DOP1B: variants seen among roughly 807,000 people sequenced by gnomAD.
The protein encoded by DOP1B is DOP1 leucine zipper like protein B, also known as protein DOP1B.
DOP1B carries 174 observed loss-of-function variants against 233.5 expected under a neutral mutation model. The observed-to-expected ratio is 0.75, with a 90% CI of 0.66 to 0.85. The LOEUF (loss-of-function observed/expected upper bound fraction) is 0.85, where lower values mean the gene tolerates loss of function less well. Among genes scored for constraint, DOP1B ranks in the 40% least tolerant of loss-of-function variants. The probability of loss-of-function intolerance (pLI) is 0.00; values close to 1 mark genes in which losing one functional copy is unlikely to be tolerated. For missense variants in DOP1B, 2,652 were observed against 2,846.6 expected (o/e 0.93, Z 1.56); for synonymous variants, 1,190 against 1,185.6 (o/e 1.00, Z -0.08).
At chr21:36,270,883 A>G (rs1047996888) in intron 27 of DOP1B, among the ~76,000 whole-genome samples, 5 of 149,344 alleles carry the variant, frequency 3.3e-5, no homozygotes, top group Admixed American at 2.7e-4. Flanking sequence ...ACTGCACTCC[A>G]GCCTGGGCGA....
Position 36,237,399 on chromosome 21 carries a change from C to T in DOP1B, c.2760C>T (p.Leu920=), listed in dbSNP as rs2066840896. 1.2e-6 allele frequency: 2 copies of T among 1,614,136 alleles called. No homozygotes were observed. Among genetic ancestry groups the T allele is most frequent in the Admixed American group, 1.7e-5 (1 of 60,022 alleles). Residue 920 remains leucine, a synonymous_variant, in exon 16 of 37, where the codon CTC becomes CTT. Transcript: ENST00000691173. The part of the protein sequence containing the change: ...NICEDIICHA[L]LDPDKGTRLE... Reference sequence around the variant, plus strand: ...GCGAGGACATCATCTGCCATGCCCTCCTGGACCCTGACAAGGTGAGCCTTT... The same window carrying T: ...GCGAGGACATCATCTGCCATGCCCTTCTGGACCCTGACAAGGTGAGCCTTT...
chr21:36,181,833 A>ACACACTGAT (rs11269603), intron 2 of DOP1B, among the ~76,000 whole-genome samples: 1 of 151,926 alleles, frequency 6.6e-6, no homozygotes, highest in African/African-American at 2.4e-5. Context: ...CTCACCTTCC[A>ACACACTGAT]TTTAATGGAA....
At chr21:36,210,944 A>C (rs779294562) in intron 5 of DOP1B, among the ~76,000 whole-genome samples, 1 of 152,158 alleles carries the variant, frequency 6.6e-6, no homozygotes, top group Non-Finnish European at 1.5e-5. Context: ...CTCCCACACG[A>C]CTGCCACAGG....
intron 2 of DOP1B, chr21:36,170,709 C>T (rs999447533): frequency 6.6e-6 from 1 of 151,492 alleles, no homozygotes; most frequent in African/African-American, 2.4e-5. Flanking sequence ...GTAGGAGGAT[C>T]GCTTGAGCCC....
At position 36,280,358 on chromosome 21, in the gene DOP1B, G is replaced by T; in HGVS notation, c.6031+12G>T. The stretch of plus-strand genomic sequence containing the variant: ...TAAGGATTTAATGAGTAAGTTCTGT[G>T]TTACTTTTGCATAACTCACACTTGA... On this transcript the variant is annotated intron_variant, in intron 31 of 36. Transcript: ENST00000691173. 6.3e-7 allele frequency: 1 copy of T among 1,587,898 alleles called. No individual in the cohort carries two copies. Among genetic ancestry groups the T allele is most frequent in the Non-Finnish European group, 8.6e-7 (1 of 1,160,314 alleles).
At chr21:36,274,233 G>C (rs2067324669) in intron 27 of DOP1B, among the ~76,000 whole-genome samples, 1 of 152,162 alleles carries the variant, frequency 6.6e-6, no homozygotes, top group South Asian at 2.1e-4. Context: ...ACAGAAACTG[G>C]AAGTCCAGGT....
chr21:36,193,337 G>C (rs1191083276), intron 2 of DOP1B, among the ~76,000 whole-genome samples: 2 of 152,222 alleles, frequency 1.3e-5, no homozygotes, highest in Non-Finnish European at 2.9e-5. Context: ...AGAATGACTG[G>C]ATGCGGGCTG....
rs773123176 is a variant in DOP1B, at chr21:36,245,512, C to T, written c.3532C>T (p.Leu1178=). 9.5e-5 allele frequency: 153 copies of T among 1,613,638 alleles called. 3 individuals carry two copies. In the South Asian group the frequency reaches 1.3e-3, roughly 13 times the overall value. ...ESFKAGAKLS[L]VRVDSDKTQA... Reference sequence around the variant, plus strand: ...CTTCAAGGCTGGGGCCAAGTTAAGCCTGGTGCGGGTGGACTCGGACAAGAC... The same window carrying T: ...CTTCAAGGCTGGGGCCAAGTTAAGCTTGGTGCGGGTGGACTCGGACAAGAC... Residue 1178 remains leucine, a synonymous_variant, in exon 19 of 37, where the codon CTG becomes TTG. Coordinates refer to ENST00000691173, the MANE Select transcript of DOP1B (RefSeq NM_001320714.2). The surrounding 1 kb of genome is among the most constrained non-coding windows in gnomAD (Gnocchi z 5.5).
rs1427635676 is a variant in DOP1B at position 36,245,622 on chromosome 21, G to A, written c.3642G>A (p.Gln1214=). The part of the protein sequence containing the change: ...ALTTSRLLKQ[Q]RERQEAVEAL... ...CCACATCCAGGCTGCTAAAGCAGCA[G>A]CGGGAAAGGCAGGAGGCCGTCGAGG... Residue 1214 remains glutamine (Q), a synonymous_variant, in exon 19 of 37, where the codon CAG becomes CAA. Coordinates refer to ENST00000691173, the MANE Select transcript of DOP1B (RefSeq NM_001320714.2). The surrounding 1 kb of genome is among the most constrained non-coding windows in gnomAD (Gnocchi z 5.5). 1 of 1,613,488 alleles carries A rather than the reference G, an allele frequency of 6.2e-7. No homozygotes were observed. The highest frequency in any genetic ancestry group is 1.7e-5 in the Admixed American group (1 of 60,018).
chr21:36,186,072 G>A (rs2066162171), intron 2 of DOP1B, among the ~76,000 whole-genome samples: 1 of 152,064 alleles, frequency 6.6e-6, no homozygotes, highest in Non-Finnish European at 1.5e-5. Context: ...GCGTGGTGGC[G>A]GGCGCCTGTA....
chr21:36,245,294 A>G lies in DOP1B; in HGVS notation c.3314A>G (p.Asp1105Gly). The change falls in exon 19 of 37, where the codon GAC becomes GGC. Residue 1105 changes from aspartate (D) to glycine (G), a missense_variant. Physicochemically the swap from Asp to Gly is moderately conservative, Grantham distance 94 (BLOSUM62 -1). Transcript: ENST00000691173. The surrounding 1 kb of genome is among the most constrained non-coding windows in gnomAD (Gnocchi z 5.5). ...GACAGGACGGCCCACGGCGCCCCGG[A>G]CAGCAGCGAGCACACCGAGTCTGCA... ...LPDRTAHGAP[D>G]SSEHTESADT... 1 of 1,614,130 alleles carries G rather than the reference A, an allele frequency of 6.2e-7. No homozygotes were observed. The highest frequency in any genetic ancestry group is 1.1e-5 in the South Asian group (1 of 91,084).
Position 36,227,780 on chromosome 21 carries a change from C to G in DOP1B, c.1568C>G (p.Pro523Arg). The change falls in exon 13 of 37, where the codon CCT becomes CGT. Residue 523 changes from proline (P) to arginine (R), a missense_variant. Physicochemically the swap from Pro to Arg is moderately radical, Grantham distance 103. This residue lies in a region of DOP1B where 2,617 missense variants were observed against 2,794.3 expected (regional missense o/e 0.94). Coordinates refer to ENST00000691173, the MANE Select transcript of DOP1B (RefSeq NM_001320714.2). ...LAEDMEALSL[P>R]ELTHALKTCF... Reference sequence around the variant, plus strand: ...GAGGACATGGAGGCCTTAAGTTTACCTGAACTCACGCATGCCTTGAAGACG... The same window carrying G: ...GAGGACATGGAGGCCTTAAGTTTACGTGAACTCACGCATGCCTTGAAGACG... 6.2e-7 allele frequency: 1 copy of G among 1,613,774 alleles called. No individual in the cohort carries two copies.
At chr21:36,239,142 A>G (rs758986973) in intron 17 of DOP1B, among the ~76,000 whole-genome samples, 3 of 152,166 alleles carry the variant, frequency 2.0e-5, no homozygotes, top group African/African-American at 7.2e-5. Flanking sequence ...GACCCCTCCG[A>G]GCACAGCCAG....
rs66857645 is a variant in DOP1B at position 36,165,718 on chromosome 21, C to CTTT, written c.138+862_138+864dup. On this transcript the variant is annotated intron_variant, in intron 2 of 36. Coordinates refer to ENST00000691173, the MANE Select transcript of DOP1B (RefSeq NM_001320714.2). ...TAGGTTGCATGCTCTTTAGGAGAAT[C>CTTT]TTTTTTTTTTTTTTTTTGAGACAGT... is the stretch of plus-strand genomic sequence containing the variant. 3.1e-4 allele frequency among the ~76,000 whole-genome samples: 41 copies of CTTT among 132,934 alleles called. 2 individuals carry two copies. The highest frequency in any genetic ancestry group is 5.3e-4 in the African/African-American group (19 of 36,050). 87.2% of individuals were successfully genotyped at this position (132,934 alleles called of 152,430 possible).
At chr21:36,239,725 G>T (rs1028831993) in intron 17 of DOP1B, 40 bp from the exon 18 acceptor site, 1 of 1,494,426 alleles carries the variant, frequency 6.7e-7, no homozygotes, top group Non-Finnish European at 9.0e-7. Context: ...GCGCACAGGG[G>T]TGGCTGCGAG....
chr21:36,195,883 G>A (rs973296161), intron 2 of DOP1B, among the ~76,000 whole-genome samples: 1 of 152,222 alleles, frequency 6.6e-6, no homozygotes, highest in Non-Finnish European at 1.5e-5. Context: ...AAATTTCTCA[G>A]GGGCTTTATC....
In DOP1B at chr21:36,239,818, C is replaced by A; in HGVS notation, c.2930C>A (p.Ala977Glu). Residue 977 changes from alanine to glutamate, a missense_variant, in exon 18 of 37, where the codon GCG becomes GAG. Around this residue, in one of 3 missense-constraint regions of DOP1B, gnomAD observed 2,617 missense variants for 2,794.3 expected, o/e 0.94. Transcript: ENST00000691173. ...GCCTGCACGGATGGTGCCATCGGTG[C>A]GGCAGCCCAGGGCTGGCTGGTGCGT... is the stretch of plus-strand genomic sequence containing the variant. ...SLACTDGAIGAAAQGWLVRAL... is the reference protein window; with the variant it reads ...SLACTDGAIGEAAQGWLVRAL... The A allele has an allele frequency of 6.4e-7, 1 of 1,566,124 alleles. No individual in the cohort carries two copies. The highest frequency in any genetic ancestry group is 2.1e-4 in the Middle Eastern group (1 of 4,680).
Position 36,238,619 on chromosome 21 carries a change from C to T in DOP1B, c.2794C>T (p.Leu932=). The change falls in exon 17 of 37, where the codon CTG becomes TTG. Residue 932 remains leucine (L), a synonymous_variant. Transcript: ENST00000691173. ...DPDKGTRLEA[L]FRFSVIWHLT... is the part of the protein sequence containing the mutation. ...CATCAAGGGAACAAGGCTGGAAGCT[C>T]TGTTTAGATTTTCCGTGATCTGGCA... 6.2e-7 allele frequency: 1 copy of T among 1,614,224 alleles called. No individual in the cohort carries two copies. Among genetic ancestry groups the T allele is most frequent in the Non-Finnish European group, 8.5e-7 (1 of 1,180,046 alleles).
intron 32 of DOP1B, 147 bp from the exon 33 acceptor site, chr21:36,287,867 G>C: frequency 2.0e-6 from 2 of 1,006,222 alleles, no homozygotes; most frequent in Non-Finnish European, 2.8e-6. Flanking sequence ...TTACAAGTGC[G>C]AGCCACCAAG....
Sources: gnomAD v4.1 joint callset for allele counts (sites outside exome capture counted in the v4.1 genomes callset) on GRCh38, gnomAD v4.1.1 for gene constraint, gnomAD v4.1.1 regional missense constraint, Gnocchi (gnomAD v3.1) non-coding constraint, MANE v1.5 for transcripts, NCBI Gene and HGNC (gene_info 2026-07-23, HGNC 2026-07-21) for gene names.